Variants in DLGAP1 observed in about 807,000 individuals in gnomAD.
The protein encoded by DLGAP1 is DLG associated protein 1.
Under a neutral mutation model 90.8 loss-of-function variants are expected in DLGAP1, and 11 were observed. The ratio of observed to expected loss-of-function variants is 0.12; its 90% CI spans 0.08 to 0.20. The LOEUF (loss-of-function observed/expected upper bound fraction) is 0.20. DLGAP1 is among the 10% of genes least tolerant of loss of function. DLGAP1 has a pLI of 1.00. For missense variants in DLGAP1, 1,050 were observed against 1,333.8 expected, an observed-to-expected ratio of 0.79 and a Z score of 3.31; for synonymous variants, 558 against 540.7, an observed-to-expected ratio of 1.03 and a Z score of -0.44.
chr18:3,600,755 T>G (rs377640553), intron 7 of DLGAP1, among the ~76,000 whole-genome samples: 442 of 28,728 alleles, frequency 0.015, 8 homozygotes, highest in East Asian at 0.025. Flanking sequence ...TAGATATATA[T>G]AGATATATAG....
intron 3 of DLGAP1, among the ~76,000 whole-genome samples, chr18:4,002,333 G>A (rs1269244097): frequency 3.1e-5 from 2 of 64,138 alleles, no homozygotes; most frequent in African/African-American, 9.9e-5. Flanking sequence ...GTTGACCTTT[G>A]AAGAACACAG....
chr18:3,754,825 G>T (rs1281304793), intron 5 of DLGAP1, among the ~76,000 whole-genome samples: 1 of 151,942 alleles, frequency 6.6e-6, no homozygotes, highest in African/African-American at 2.4e-5. Context: ...GAACCCGGGG[G>T]TTGGAGGTTG....
At chr18:3,767,347 C>A (rs1249386999) in intron 5 of DLGAP1, among the ~76,000 whole-genome samples, 2 of 152,052 alleles carry the variant, frequency 1.3e-5, no homozygotes, top group African/African-American at 2.4e-5. Flanking sequence ...CAATTATACA[C>A]AATCTTTTCC....
chr18:3,938,625 T>C (rs554887754), intron 3 of DLGAP1, among the ~76,000 whole-genome samples: 151 of 152,258 alleles, frequency 9.9e-4, no homozygotes, highest in African/African-American at 3.5e-3. Context: ...GTCAGATAGA[T>C]GGTATTTGCT....
At chr18:4,266,951 T>C (rs1007752005) in intron 1 of DLGAP1, among the ~76,000 whole-genome samples, 8 of 152,072 alleles carry the variant, frequency 5.3e-5, no homozygotes, top group Non-Finnish European at 8.8e-5. Context: ...CTGATATCCA[T>C]ACACTCATCT....
intron 7 of DLGAP1, among the ~76,000 whole-genome samples, chr18:3,669,340 G>A (rs1202561996): frequency 6.6e-6 from 1 of 152,028 alleles, no homozygotes; most frequent in East Asian, 1.9e-4. Flanking sequence ...CTACCCCCAC[G>A]GACCTAGGCG....
intron 7 of DLGAP1, among the ~76,000 whole-genome samples, chr18:3,680,981 A>G (rs2060495555): frequency 1.3e-5 from 2 of 152,178 alleles, no homozygotes; most frequent in Non-Finnish European, 2.9e-5. Context: ...CTTCCTCCCA[A>G]TGGGATGATG....
intron 5 of DLGAP1, among the ~76,000 whole-genome samples, chr18:3,778,628 G>T (rs947544590): frequency 6.6e-6 from 1 of 152,156 alleles, no homozygotes; most frequent in Non-Finnish European, 1.5e-5. Flanking sequence ...GCACAGCAGC[G>T]GCAAGTGGGG....
chr18:3,805,486 A>C (rs571999308), intron 5 of DLGAP1, among the ~76,000 whole-genome samples: 1 of 152,372 alleles, frequency 6.6e-6, no homozygotes, highest in African/African-American at 2.4e-5. Flanking sequence ...CAAGTGAAAA[A>C]TAGTAAAGCT....
At position 3,729,960 on chromosome 18, in the gene DLGAP1, A is replaced by G. The variant is rs1195072602; in HGVS notation, c.1351-585T>C. On this transcript the variant is annotated intron_variant, in intron 6 of 12. Transcript: ENST00000315677. This position sits in a 1 kb window ranked among gnomAD's most constrained non-coding sequence, Gnocchi z 6.2. ...TGTTAAGCTTAATTTAGTGCAAGGT[A>G]TGGAAACATGCCCTATATTTTCTGG... 6.6e-6 allele frequency among the ~76,000 whole-genome samples: 1 copy of G among 152,224 alleles called. No individual in the cohort carries two copies. Among genetic ancestry groups the G allele is most frequent in the Admixed American group, 6.5e-5 (1 of 15,286 alleles).
In DLGAP1 at chr18:4,019,819, A is replaced by G. The variant is rs546760489; in HGVS notation, c.-158-14618T>C. 3.5e-3 allele frequency among the ~76,000 whole-genome samples: 491 copies of G among 141,300 alleles called. 2 individuals are homozygous for G. Among genetic ancestry groups the G allele is most frequent in the African/African-American group, 0.012 (429 of 36,678 alleles). The allele number at this position is 141,300 out of a possible 152,430, so 92.7% of individuals were successfully genotyped here. A position where few individuals can be genotyped will look rare whatever the true frequency, so the allele number is the denominator to read the frequency against. On this transcript the variant is annotated intron_variant, in intron 2 of 12. Coordinates refer to ENST00000315677, the MANE Select transcript of DLGAP1 (RefSeq NM_004746.4). ...CATAGGCGCGCGCGTGTGCGCGCACACACACACACATACACACGCACACAC... is the reference window on the plus strand; with the variant it reads ...CATAGGCGCGCGCGTGTGCGCGCACGCACACACACATACACACGCACACAC...
At chr18:4,149,151 A>G (rs975549643) in intron 2 of DLGAP1, among the ~76,000 whole-genome samples, 2 of 152,250 alleles carry the variant, frequency 1.3e-5, no homozygotes, top group African/African-American at 4.8e-5. Flanking sequence ...AGCTATAATT[A>G]AATGTTGTTA....
chr18:3,874,024 C>A, intron 4 of DLGAP1: 1 of 1,475,032 alleles, frequency 6.8e-7, no homozygotes, highest in South Asian at 1.4e-5. Context: ...CTCTTCCAGT[C>A]TTTCTAGCCA....
intron 3 of DLGAP1, among the ~76,000 whole-genome samples, chr18:3,990,085 G>A (rs2073931357): frequency 1.3e-5 from 2 of 151,918 alleles, no homozygotes; most frequent in African/African-American, 4.9e-5. Flanking sequence ...TGATTCCTCA[G>A]GGATCTAGAA....
chr18:4,151,040 C>T (rs1216049498), intron 2 of DLGAP1, 140 bp downstream of exon 2: 1 of 152,132 alleles, frequency 6.6e-6, no homozygotes, highest in Non-Finnish European at 1.5e-5. Flanking sequence ...GTTAATATGT[C>T]TGGAAAGTGT....
intron 1 of DLGAP1, among the ~76,000 whole-genome samples, chr18:4,444,274 C>G (rs280980): frequency 0.93 from 140,977 of 152,266 alleles, 65,597 homozygotes; most frequent in East Asian, 1. Flanking sequence ...ATTCTGAGCA[C>G]AGTAAATTAA....
At chr18:3,672,804 A>G (rs1473274290) in intron 7 of DLGAP1, among the ~76,000 whole-genome samples, 1 of 151,970 alleles carries the variant, frequency 6.6e-6, no homozygotes, top group Non-Finnish European at 1.5e-5. Flanking sequence ...AGCTGGCAAG[A>G]ACCAAGCTAG....
intron 3 of DLGAP1, among the ~76,000 whole-genome samples, chr18:3,943,582 A>T (rs776943158): frequency 1.1e-4 from 16 of 151,944 alleles, no homozygotes; most frequent in Admixed American, 4.6e-4. Flanking sequence ...GAAAGGGGAG[A>T]TAACTCAGAG....
chr18:4,138,279 T>C (rs1156376780), intron 2 of DLGAP1, among the ~76,000 whole-genome samples: 2 of 151,970 alleles, frequency 1.3e-5, no homozygotes, highest in South Asian at 2.1e-4. Flanking sequence ...TTGAGGTATG[T>C]TCCTTCTACA....
Sources: allele counts gnomAD v4.1 joint callset (sites outside exome capture counted in the v4.1 genomes callset), GRCh38; gene constraint gnomAD v4.1.1; non-coding constraint Gnocchi (gnomAD v3.1); transcripts MANE v1.5; gene names NCBI Gene and HGNC (gene_info 2026-07-23, HGNC 2026-07-21).